Variants in DAB1 observed in about 807,000 individuals in gnomAD.
DAB1 encodes the protein DAB adaptor protein 1.
DAB1 carries 15 observed loss-of-function variants against 64.6 expected under a neutral mutation model. The observed-to-expected ratio is 0.23, with a 90% CI of 0.16 to 0.36. DAB1 has a LOEUF of 0.36. DAB1 is among the 10% of genes least tolerant of loss of function. The pLI is 1.00. For synonymous variants in DAB1, 235 were observed against 251.9 expected, an observed-to-expected ratio of 0.93 and a Z score of 0.64; for missense variants, 596 against 706.7, an observed-to-expected ratio of 0.84 and a Z score of 1.78.
At chr1:58,186,715 T>A (rs1247528135) in intron 4 of DAB1, among the ~76,000 whole-genome samples, 1 of 152,232 alleles carries the variant, frequency 6.6e-6, no homozygotes, top group Non-Finnish European at 1.5e-5. Context: ...TTCTGGCTTA[T>A]CCTGGACTTC....
chr1:57,049,713 C>A (rs1434487956), intron 9 of DAB1, among the ~76,000 whole-genome samples: 2 of 152,136 alleles, frequency 1.3e-5, no homozygotes, highest in African/African-American at 4.8e-5. Flanking sequence ...TCCCCTTAAC[C>A]TCTTTGCCCT....
intron 4 of DAB1, among the ~76,000 whole-genome samples, chr1:58,316,279 G>T (rs1662556884): frequency 6.6e-6 from 1 of 152,224 alleles, no homozygotes; most frequent in African/African-American, 2.4e-5. Flanking sequence ...GTCAAGCAGA[G>T]CAGACTGTCT....
At position 57,576,638 on chromosome 1, in the gene DAB1, A is replaced by C. The variant is rs1014526892; in HGVS notation, n.625+72954T>G. On this transcript the variant is annotated intron_variant and non_coding_transcript_variant, in intron 7 of 20. Coordinates refer to the DAB1 transcript ENST00000485760. ...CGATTTTGGATTTTTTGGCCTCCGG[A>C]ACTGTGAGATGATAGATTTCTGTTG... Among the ~76,000 whole-genome samples the C allele has an allele frequency of 5.3e-5, 8 of 152,182 alleles. No homozygotes were observed. The East Asian group carries it at 1.5e-3, about 29-fold the overall frequency.
intron 3 of DAB1, among the ~76,000 whole-genome samples, chr1:58,389,853 A>T (rs997080829): frequency 6.6e-6 from 1 of 152,174 alleles, no homozygotes; most frequent in Non-Finnish European, 1.5e-5. Flanking sequence ...TGATCTGCAA[A>T]GAGCCAAGGA....
chr1:57,129,453 C>T (rs1362359383), intron 4 of DAB1, among the ~76,000 whole-genome samples: 4 of 151,910 alleles, frequency 2.6e-5, no homozygotes, highest in Non-Finnish European at 5.9e-5. Context: ...AGCCATGGGC[C>T]AGTGGAAGCC....
At chr1:58,267,543 T>C (rs1661199974) in intron 4 of DAB1, among the ~76,000 whole-genome samples, 1 of 152,156 alleles carries the variant, frequency 6.6e-6, no homozygotes, top group Non-Finnish European at 1.5e-5. Flanking sequence ...TTGGCCTACC[T>C]TGGGCCTAGC....
chr1:58,150,608 T>C (rs1024621266), intron 4 of DAB1: 5 of 145,658 alleles, frequency 3.4e-5, no homozygotes, highest in Admixed American at 1.4e-4. Context: ...AAAAAAAAAG[T>C]GGGAGCAGGT....
At chr1:57,753,466 A>G (rs1215159574) in intron 6 of DAB1, among the ~76,000 whole-genome samples, 3 of 152,194 alleles carry the variant, frequency 2.0e-5, no homozygotes, top group Non-Finnish European at 4.4e-5. Context: ...TCTCCTCCTT[A>G]GTAGCTCTCT....
chr1:58,536,677 T>TA, intron 1 of DAB1: 1 of 872,842 alleles, frequency 1.1e-6, no homozygotes. Context: ...TTATTCTTCC[T>TA]TATATTTTCT....
intron 3 of DAB1, among the ~76,000 whole-genome samples, chr1:58,439,347 C>G (rs1315360168): frequency 6.6e-6 from 1 of 151,988 alleles, no homozygotes; most frequent in Non-Finnish European, 1.5e-5. Context: ...TCCTCAGTAC[C>G]TTCTTCTTGG....
At chr1:57,193,295 A>T (rs938384102) in intron 2 of DAB1, among the ~76,000 whole-genome samples, 1 of 149,990 alleles carries the variant, frequency 6.7e-6, no homozygotes, top group Non-Finnish European at 1.5e-5. Context: ...TAGATCCCAC[A>T]TATCAGTGGA....
rs182683445 is a variant in DAB1, at chr1:57,398,028, C to A, written c.-137+25902G>T. 2.0e-3 allele frequency among the ~76,000 whole-genome samples: 307 copies of A among 152,302 alleles called. 2 individuals are homozygous for A. In the Middle Eastern group the frequency reaches 0.027, roughly 13 times the overall value. On this transcript the variant is annotated intron_variant, in intron 1 of 14. Coordinates refer to ENST00000371236, the MANE Select transcript of DAB1 (RefSeq NM_001365792.1). ...TAAGTATATGTTGTTCACTTTCTCC[C>A]AATTCCTGGTAAAATTGTTAACAAC... is the stretch of plus-strand genomic sequence containing the variant.
intron 7 of DAB1, among the ~76,000 whole-genome samples, chr1:57,462,466 A>G (rs532164093): frequency 2.0e-5 from 3 of 152,348 alleles, no homozygotes; most frequent in Non-Finnish European, 4.4e-5. Context: ...AATGAAGTGC[A>G]TAAAACACAG....
At chr1:57,198,246 A>T (rs555189242) in intron 2 of DAB1, among the ~76,000 whole-genome samples, 12 of 152,028 alleles carry the variant, frequency 7.9e-5, no homozygotes, top group South Asian at 4.2e-4. Flanking sequence ...TGAACTGTAC[A>T]TTTAGAAATC....
intron 1 of DAB1, among the ~76,000 whole-genome samples, chr1:57,311,251 A>G (rs1674676513): frequency 6.6e-6 from 1 of 151,754 alleles, no homozygotes; most frequent in African/African-American, 2.4e-5. Flanking sequence ...ACACTCTGTC[A>G]TCATGATTGC....
chr1:57,374,745 A>T (rs888661152), intron 1 of DAB1, among the ~76,000 whole-genome samples: 2 of 152,292 alleles, frequency 1.3e-5, no homozygotes. Flanking sequence ...CTTTTATAAA[A>T]TACCTGGGTA....
At chr1:57,414,830 A>G (rs1684370167) in intron 1 of DAB1, among the ~76,000 whole-genome samples, 1 of 152,180 alleles carries the variant, frequency 6.6e-6, no homozygotes, top group Non-Finnish European at 1.5e-5. Flanking sequence ...AGAAAATTAT[A>G]AACTGTATTG....
chr1:58,527,335 A>G (rs776954304), exon 2 of DAB1: 1 of 871,644 alleles, frequency 1.1e-6, no homozygotes, highest in South Asian at 1.3e-5. Flanking sequence ...TTAAACATAT[A>G]CTAAGAAGAA....
chr1:57,257,727 G>A (rs1318445904), intron 2 of DAB1, among the ~76,000 whole-genome samples: 4 of 152,140 alleles, frequency 2.6e-5, no homozygotes, highest in African/African-American at 9.7e-5. Flanking sequence ...TATCATGAGG[G>A]CCATACTCCC....
Sources: gnomAD v4.1 joint callset for allele counts (sites outside exome capture counted in the v4.1 genomes callset) on GRCh38, gnomAD v4.1.1 for gene constraint, MANE v1.5 for transcripts, NCBI Gene and HGNC (gene_info 2026-07-23, HGNC 2026-07-21) for gene names.